Variants in LIPK observed in about 807,000 individuals in gnomAD.
LIPK encodes lipase member K.
Under a neutral mutation model 48.6 loss-of-function variants are expected in LIPK, and 32 were observed. The ratio of observed to expected loss-of-function variants is 0.66; its 90% CI spans 0.50 to 0.88. The LOEUF (loss-of-function observed/expected upper bound fraction) is 0.88, where lower values mean the gene tolerates loss of function less well. LIPK is among the 40% of genes least tolerant of loss of function. The probability of loss-of-function intolerance (pLI) is 0.00; values close to 1 mark genes in which losing one functional copy is unlikely to be tolerated. For missense variants in LIPK, 507 were observed against 478.5 expected (o/e 1.06, Z -0.56); for synonymous variants, 164 against 157.4 (o/e 1.04, Z -0.32).
chr10:88,749,025 A>G (rs1180217198), intron 9 of LIPK, among the ~76,000 whole-genome samples: 1 of 152,204 alleles, frequency 6.6e-6, no homozygotes, highest in Non-Finnish European at 1.5e-5. Context: ...TCCCAATCAT[A>G]ATAGCCACAA....
chr10:88,748,239 G>A (rs1355456934), intron 9 of LIPK, among the ~76,000 whole-genome samples: 1 of 152,136 alleles, frequency 6.6e-6, no homozygotes, highest in East Asian at 1.9e-4. Flanking sequence ...ACAGAGAGGG[G>A]AACAACACAC....
intron 9 of LIPK, among the ~76,000 whole-genome samples, chr10:88,745,457 A>G (rs1842750497): frequency 6.6e-6 from 1 of 152,192 alleles, no homozygotes; most frequent in Non-Finnish European, 1.5e-5. Flanking sequence ...TACAAGCCAG[A>G]AGAGATTACG....
intron 1 of LIPK, among the ~76,000 whole-genome samples, chr10:88,711,991 C>A (rs1842035332): frequency 6.6e-6 from 1 of 151,904 alleles, no homozygotes; most frequent in Admixed American, 6.6e-5. Context: ...TTACTTTTTT[C>A]AAAATTGATT....
intron 9 of LIPK, among the ~76,000 whole-genome samples, chr10:88,748,856 C>G (rs1318750607): frequency 6.6e-6 from 1 of 152,086 alleles, no homozygotes; most frequent in Non-Finnish European, 1.5e-5. Flanking sequence ...CAAACTACTT[C>G]TTTTCATGGA....
At chr10:88,716,608 C>T (rs1049992809) in intron 1 of LIPK, among the ~76,000 whole-genome samples, 7 of 152,088 alleles carry the variant, frequency 4.6e-5, no homozygotes, top group South Asian at 2.1e-4. Flanking sequence ...CCACACGCCT[C>T]GGCCTCCCAA....
chr10:88,710,128 T>A (rs1476394251), intron 1 of LIPK, among the ~76,000 whole-genome samples: 2 of 151,916 alleles, frequency 1.3e-5, no homozygotes, highest in African/African-American at 4.8e-5. Context: ...TCTACAAGAT[T>A]AAATTAATAT....
At chr10:88,752,348 G>A (rs1032732711) in intron 9 of LIPK, among the ~76,000 whole-genome samples, 169 bp from the exon 10 acceptor site, 4 of 152,096 alleles carry the variant, frequency 2.6e-5, no homozygotes, top group East Asian at 1.9e-4. Flanking sequence ...ATTACTGCAC[G>A]AGAATGGTTT....
chr10:88,749,498 A>C (rs1022365606), intron 9 of LIPK, among the ~76,000 whole-genome samples: 17 of 152,230 alleles, frequency 1.1e-4, no homozygotes. Flanking sequence ...AGTTGACAAT[A>C]ACAAGCAATG....
intron 9 of LIPK, among the ~76,000 whole-genome samples, chr10:88,747,705 A>C (rs1233628111): frequency 1.3e-5 from 2 of 152,200 alleles, no homozygotes; most frequent in Non-Finnish European, 2.9e-5. Flanking sequence ...AACCACAATG[A>C]GATACCATCT....
chr10:88,740,648 G>T (rs1029917873), intron 8 of LIPK, among the ~76,000 whole-genome samples: 1 of 151,986 alleles, frequency 6.6e-6, no homozygotes, highest in East Asian at 1.9e-4. Flanking sequence ...GTGTGCATGC[G>T]CACACACGTG....
intron 4 of LIPK, 100 bp from the exon 5 acceptor site, chr10:88,732,078 A>T: frequency 2.7e-6 from 2 of 744,620 alleles, no homozygotes; most frequent in Non-Finnish European, 4.4e-6. Context: ...TCTTATATTT[A>T]ACAAAATCAA....
At chr10:88,740,616 T>TTG (rs374068544) in intron 8 of LIPK, among the ~76,000 whole-genome samples, 2,100 of 152,122 alleles carry the variant, frequency 0.014, 31 homozygotes, top group Middle Eastern at 0.027. Context: ...TTTCTGAGCC[T>TTG]TGTGTGTGTG....
intron 1 of LIPK, among the ~76,000 whole-genome samples, chr10:88,718,889 G>T (rs562688363): frequency 3.3e-5 from 5 of 152,106 alleles, no homozygotes; most frequent in African/African-American, 1.2e-4. Flanking sequence ...GAAATTCTTG[G>T]CTGCTCTTAT....
At chr10:88,716,359 T>TC (rs1842117948) in intron 1 of LIPK, among the ~76,000 whole-genome samples, 1 of 145,744 alleles carries the variant, frequency 6.9e-6, no homozygotes, top group South Asian at 2.2e-4. Flanking sequence ...AAAATTTCTT[T>TC]TTTTTTTTTT....
rs555844929 is a variant in LIPK at position 88,748,417 on chromosome 10, G to A, written c.961-4100G>A. 7.0e-4 allele frequency among the ~76,000 whole-genome samples: 107 copies of A among 152,192 alleles called. 1 individual carries two copies. Among genetic ancestry groups the A allele is most frequent in the Non-Finnish European group, 1.2e-3 (85 of 68,018 alleles). On this transcript the variant is annotated intron_variant, in intron 9 of 9. Transcript: ENST00000404190. Reference sequence around the variant, plus strand: ...AGATCACTTGAGGTCAGGGGTATGAGACTAGCCTGGCCAACATGGTGAAAC... The same window carrying A: ...AGATCACTTGAGGTCAGGGGTATGAAACTAGCCTGGCCAACATGGTGAAAC...
At chr10:88,712,481 T>G (rs1842043847) in intron 1 of LIPK, among the ~76,000 whole-genome samples, 1 of 152,206 alleles carries the variant, frequency 6.6e-6, no homozygotes, top group Admixed American at 6.5e-5. Context: ...CATTTACCTG[T>G]TAATGGCCTA....
intron 1 of LIPK, among the ~76,000 whole-genome samples, chr10:88,721,119 T>G (rs77111724): frequency 0.78 from 118,591 of 151,404 alleles, 47,403 homozygotes; most frequent in East Asian, 1. Context: ...CTTAGTCTAA[T>G]ATCCTTATAT....
chr10:88,717,284 T>C (rs1842137307), intron 1 of LIPK, among the ~76,000 whole-genome samples: 2 of 152,226 alleles, frequency 1.3e-5, no homozygotes, highest in Admixed American at 6.5e-5. Flanking sequence ...AAGGTTCGTC[T>C]TGGTCCTTAA....
intron 1 of LIPK, among the ~76,000 whole-genome samples, chr10:88,723,276 A>T (rs370334939): frequency 6.6e-6 from 1 of 152,186 alleles, no homozygotes; most frequent in Admixed American, 6.5e-5. Flanking sequence ...TGCTCAATAC[A>T]TAGTTATAAG....
Sources: allele counts gnomAD v4.1 joint callset (sites outside exome capture counted in the v4.1 genomes callset), GRCh38; gene constraint gnomAD v4.1.1; transcripts MANE v1.5; gene names NCBI Gene and HGNC (gene_info 2026-07-23, HGNC 2026-07-21).